Variants in CDK13 observed in about 807,000 individuals in gnomAD.
The protein encoded by CDK13 is cyclin-dependent kinase 13.
Under a neutral mutation model 137.6 loss-of-function variants are expected in CDK13, and 40 were observed. That is an observed-to-expected ratio of 0.29 (90% CI 0.23 to 0.38). CDK13 has a LOEUF of 0.38. Ranked by LOEUF, CDK13 falls within the 10% of genes least tolerant of loss-of-function variation. CDK13 has a pLI of 1.00. For missense variants in CDK13, 1,704 were observed against 1,951.8 expected (o/e 0.87, Z 2.39); for synonymous variants, 869 against 760.1 (o/e 1.14, Z -2.36).
Position 39,951,662 on chromosome 7 carries a change from C to T in CDK13, c.1021C>T (p.Pro341Ser), listed in dbSNP as rs1430011321. The T allele has an allele frequency of 7.4e-6, 11 of 1,476,876 alleles. No individual in the cohort carries two copies. Among genetic ancestry groups the T allele is most frequent in the Non-Finnish European group, 9.8e-6 (11 of 1,118,792 alleles). 91.5% of individuals were successfully genotyped at this position (1,476,876 alleles called of 1,614,324 possible). A position where few individuals can be genotyped will look rare whatever the true frequency, so the allele number is the denominator to read the frequency against. The change falls in exon 1 of 14, where the codon CCC becomes TCC. Residue 341 changes from proline (P) to serine (S), a missense_variant. By Grantham distance (74) the Pro-to-Ser change is moderately conservative. Coordinates refer to ENST00000181839, the MANE Select transcript of CDK13 (RefSeq NM_003718.5). The part of the protein sequence containing the change: ...ASQSLRSRKS[P>S]SPAGGGSSPY... ...TCAGAGCCTGAGGAGCCGCAAGTCC[C>T]CCAGCCCGGCAGGAGGTGGCAGCAG...
At chr7:40,030,479 C>T (rs1785354084) in intron 5 of CDK13, among the ~76,000 whole-genome samples, 1 of 124,694 alleles carries the variant, frequency 8.0e-6, no homozygotes, top group South Asian at 2.6e-4. Context: ...GACACCCAGG[C>T]TGGAGTGCAG....
At chr7:39,999,168 A>C in intron 3 of CDK13, 193 bp from the exon 4 acceptor site, 1 of 423,548 alleles carries the variant, frequency 2.4e-6, no homozygotes, top group Non-Finnish European at 4.1e-6. Context: ...GTATGTAGAA[A>C]TGATACCTCA....
intron 1 of CDK13, among the ~76,000 whole-genome samples, chr7:39,976,858 C>CTGCT (rs1021421848): frequency 6.6e-6 from 1 of 152,056 alleles, no homozygotes; most frequent in Non-Finnish European, 1.5e-5. Context: ...GACGAGGGGA[C>CTGCT]TGCTGTACGG....
intron 2 of CDK13, among the ~76,000 whole-genome samples, chr7:39,992,091 A>ACACG (rs1335399913): frequency 8.5e-6 from 1 of 117,728 alleles, no homozygotes; most frequent in African/African-American, 7.0e-5. Flanking sequence ...ACACACACAC[A>ACACG]CACACACACA....
In CDK13 at chr7:40,094,534, C is replaced by A. The variant is rs780622290; in HGVS notation, c.4093C>A (p.Arg1365=). ...LGSSSAPPLE[R]RSFIGNSDIQ... ...AAGCAGTTCTGCTCCACCACTAGAA[C>A]GACGTAGTTTCATTGGAAATTCAGA... is the stretch of plus-strand genomic sequence containing the variant. Residue 1365 remains arginine (R), a synonymous_variant, in exon 14 of 14, where the codon CGA becomes AGA. Transcript: ENST00000181839. 3 of 1,611,804 alleles carry A rather than the reference C, an allele frequency of 1.9e-6. No individual in the cohort carries two copies. Among genetic ancestry groups the A allele is most frequent in the East Asian group, 4.5e-5 (2 of 44,858 alleles).
chr7:40,046,775 A>T (rs938195926), intron 6 of CDK13, among the ~76,000 whole-genome samples: 1 of 151,352 alleles, frequency 6.6e-6, no homozygotes, highest in Non-Finnish European at 1.5e-5. Flanking sequence ...GATGAGGCAG[A>T]TGGATCACTT....
chr7:40,014,774 C>G (rs879297133), intron 5 of CDK13, among the ~76,000 whole-genome samples: 1 of 152,102 alleles, frequency 6.6e-6, no homozygotes, highest in Non-Finnish European at 1.5e-5. Flanking sequence ...TTTCTTTAAC[C>G]ATACATTTTC....
intron 5 of CDK13, among the ~76,000 whole-genome samples, chr7:40,007,365 A>G (rs1362998599): frequency 1.3e-5 from 2 of 152,200 alleles, no homozygotes; most frequent in East Asian, 1.9e-4. Flanking sequence ...GCTCCTGTAT[A>G]CTTGAATTGC....
At chr7:39,966,600 T>C (rs1004777524) in intron 1 of CDK13, among the ~76,000 whole-genome samples, 1 of 152,232 alleles carries the variant, frequency 6.6e-6, no homozygotes, top group Non-Finnish European at 1.5e-5. Context: ...AATGAAGCCT[T>C]CTTCTCTGAA....
intron 9 of CDK13, among the ~76,000 whole-genome samples, chr7:40,075,461 GAAATAAAATTTCAATA>G (rs1786525501): frequency 6.6e-6 from 1 of 151,530 alleles, no homozygotes; most frequent in African/African-American, 2.4e-5. Flanking sequence ...AATTTTTATT[GAAATAAAATTTCAATA>G]AAATAAAATT....
At chr7:40,088,484 C>T (rs1189521577) in intron 12 of CDK13, among the ~76,000 whole-genome samples, 153 bp downstream of exon 12, 1 of 152,162 alleles carries the variant, frequency 6.6e-6, no homozygotes, top group East Asian at 1.9e-4. Flanking sequence ...ACAGAAGTTT[C>T]ATTGCTATTG....
rs2116051278 is a variant in CDK13 at position 39,950,946 on chromosome 7, G to A, written c.305G>A (p.Arg102Gln). The A allele has an allele frequency of 7.6e-7, 1 of 1,311,478 alleles. No individual in the cohort carries two copies. Among genetic ancestry groups the A allele is most frequent in the Non-Finnish European group, 9.7e-7 (1 of 1,034,832 alleles). The allele number at this position is 1,311,478 out of a possible 1,614,324, so 81.2% of individuals were successfully genotyped here. The change falls in exon 1 of 14, where the codon CGG becomes CAG. Residue 102 changes from arginine (R) to glutamine (Q), a missense_variant. Coordinates refer to ENST00000181839, the MANE Select transcript of CDK13 (RefSeq NM_003718.5). ...LARGKRRAGG[R>Q]QKRRRGPRAG... ...AGAGGCAAGAGGCGCGCAGGAGGGC[G>A]GCAGAAGCGGCGTCGCGGGCCCCGC...
At chr7:40,045,606 CAT>C (rs1415687471) in intron 5 of CDK13, among the ~76,000 whole-genome samples, 2 of 148,256 alleles carry the variant, frequency 1.3e-5, no homozygotes, top group African/African-American at 5.0e-5. Context: ...TTTTTAAAAT[CAT>C]AACTGTTTTT....
At chr7:40,059,172 A>G (rs1462785729) in intron 7 of CDK13, 1 of 152,102 alleles carries the variant, frequency 6.6e-6, no homozygotes, top group Non-Finnish European at 1.5e-5. Context: ...CTGTTTTTCT[A>G]TATATATCTA....
chr7:40,056,724 C>T (rs1437563792), intron 7 of CDK13, among the ~76,000 whole-genome samples: 1 of 152,188 alleles, frequency 6.6e-6, no homozygotes, highest in Non-Finnish European at 1.5e-5. Context: ...AAGGAATGGG[C>T]ACAGGTAGTG....
At chr7:40,018,952 T>C (rs1292330780) in intron 5 of CDK13, among the ~76,000 whole-genome samples, 2 of 152,260 alleles carry the variant, frequency 1.3e-5, no homozygotes, top group East Asian at 3.8e-4. Context: ...TTGTATTGTT[T>C]ATAATAACAA....
At chr7:39,990,658 G>T (rs1784437701) in intron 2 of CDK13, among the ~76,000 whole-genome samples, 1 of 152,146 alleles carries the variant, frequency 6.6e-6, no homozygotes, top group Non-Finnish European at 1.5e-5. Context: ...GTGGGCTGTA[G>T]TAGAAAGCTT....
At chr7:39,960,206 C>G (rs1040514322) in intron 1 of CDK13, among the ~76,000 whole-genome samples, 1 of 119,764 alleles carries the variant, frequency 8.3e-6, no homozygotes, top group Non-Finnish European at 1.9e-5. Context: ...ATACCACTTT[C>G]ATTTGATCAT....
Position 39,950,851 on chromosome 7 carries a change from AGCCGCCGCCGCC to A in CDK13, c.213_224del (p.Ala73_Ala76del). On this transcript the variant is annotated inframe_deletion, in exon 1 of 14. Transcript: ENST00000181839. The stretch of plus-strand genomic sequence containing the variant: ...CTGCTCCCGGCACGGCCGCCGCCGC[AGCCGCCGCCGCC>A]GCGGCCTCCTCCTCTTGCTTCAGCC... 7.3e-7 allele frequency: 1 copy of A among 1,370,670 alleles called. No individual in the cohort carries two copies. The highest frequency in any genetic ancestry group is 9.3e-7 in the Non-Finnish European group (1 of 1,072,718). 84.9% of individuals were successfully genotyped at this position (1,370,670 alleles called of 1,614,324 possible). A position where few individuals can be genotyped will look rare whatever the true frequency, so the allele number is the denominator to read the frequency against.
Sources: gnomAD v4.1 joint callset for allele counts (sites outside exome capture counted in the v4.1 genomes callset) on GRCh38, gnomAD v4.1.1 for gene constraint, MANE v1.5 for transcripts, NCBI Gene and HGNC (gene_info 2026-07-23, HGNC 2026-07-21) for gene names.